MRPL13: variants seen among roughly 807,000 people sequenced by gnomAD.
The protein encoded by MRPL13 is large ribosomal subunit protein uL13m.
A neutral mutation model predicts 29.0 loss-of-function variants in MRPL13; 33 were observed. That is an observed-to-expected ratio of 1.14 (90% CI 0.86 to 1.52). MRPL13 has a LOEUF of 1.52. Ranked by LOEUF, MRPL13 falls within the 40% of genes most tolerant of loss-of-function variation. The pLI is 0.00. For missense variants in MRPL13, 227 were observed against 216.7 expected (o/e 1.05, Z -0.30); for synonymous variants, 77 against 68.4 (o/e 1.13, Z -0.62).
At chr8:120,397,428 C>T (rs1022464502) in intron 6 of MRPL13, among the ~76,000 whole-genome samples, 2 of 152,168 alleles carry the variant, frequency 1.3e-5, no homozygotes, top group East Asian at 1.9e-4. Context: ...ATTGGAAATC[C>T]AGCCAACCAG....
chr8:120,426,135 G>C (rs560028288), intron 3 of MRPL13, among the ~76,000 whole-genome samples: 2 of 152,114 alleles, frequency 1.3e-5, no homozygotes, highest in Admixed American at 6.6e-5. Flanking sequence ...ATTTGTGAAA[G>C]GGATTGGGAA....
chr8:120,440,723 TAATA>T (rs1025505222), intron 2 of MRPL13, among the ~76,000 whole-genome samples: 7 of 150,578 alleles, frequency 4.6e-5, no homozygotes, highest in Admixed American at 6.6e-5. Flanking sequence ...AATAAAATAA[TAATA>T]AATAAATAAA....
At chr8:120,419,806 A>T in intron 5 of MRPL13, 46 bp downstream of exon 5, 1 of 1,402,800 alleles carries the variant, frequency 7.1e-7, no homozygotes, top group Non-Finnish European at 9.7e-7. Context: ...GAAACATTTA[A>T]TTGAAAATTT....
chr8:120,425,278 T>C (rs760225829), intron 4 of MRPL13, 28 bp downstream of exon 4: 15 of 1,570,220 alleles, frequency 9.6e-6, no homozygotes, highest in Non-Finnish European at 1.3e-5. Flanking sequence ...TTTCCAAAGA[T>C]GATTAATAAA....
At chr8:120,426,023 T>C (rs1396426733) in intron 3 of MRPL13, among the ~76,000 whole-genome samples, 1 of 152,104 alleles carries the variant, frequency 6.6e-6, no homozygotes, top group Non-Finnish European at 1.5e-5. Context: ...TGACTCCCAG[T>C]GTAATATCAG....
chr8:120,397,501 C>T (rs964214174), intron 6 of MRPL13, among the ~76,000 whole-genome samples: 10 of 152,152 alleles, frequency 6.6e-5, no homozygotes, highest in Non-Finnish European at 1.3e-4. Context: ...GCTGCCATTT[C>T]TGTGGTTAGG....
In MRPL13 at chr8:120,443,313, G is replaced by GT; in HGVS notation, c.28-6_28-5insA. 6.8e-7 allele frequency: 1 copy of GT among 1,469,838 alleles called. No homozygotes were observed. The highest frequency in any genetic ancestry group is 9.0e-7 in the Non-Finnish European group (1 of 1,111,322). The allele number at this position is 1,469,838 out of a possible 1,614,324, so 91.0% of individuals were successfully genotyped here. A position where few individuals can be genotyped will look rare whatever the true frequency, so the allele number is the denominator to read the frequency against. On this transcript the variant is annotated splice_region_variant and splice_polypyrimidine_tract_variant and intron_variant, in intron 1 of 6. Transcript: ENST00000306185. ...TCTAGCAAAAGTGGCCCATTGCTTG[G>GT]GGGGGAAAAAAAAAAAAAAGAAGAG...
chr8:120,399,260 CT>C (rs1431169092), intron 6 of MRPL13, among the ~76,000 whole-genome samples: 1 of 152,072 alleles, frequency 6.6e-6, no homozygotes, highest in East Asian at 1.9e-4. Flanking sequence ...GCCAGGTCAC[CT>C]ACGAAGAGAA....
At chr8:120,420,992 G>T (rs775163915) in intron 4 of MRPL13, among the ~76,000 whole-genome samples, 35 of 151,650 alleles carry the variant, frequency 2.3e-4, no homozygotes, top group Non-Finnish European at 4.9e-4. Flanking sequence ...ACATACAAAT[G>T]TACGTAAACA....
At position 120,435,053 on chromosome 8, in the gene MRPL13, C is replaced by A. The variant is rs564189851; in HGVS notation, c.152-2930G>T. ...CAAGGGCAGATTCAGATAGAGACAC[C>A]AATTCAGCTTGCTGAGAGTCTCCAG... is the stretch of plus-strand genomic sequence containing the variant. On this transcript the variant is annotated intron_variant, in intron 2 of 6. Coordinates refer to ENST00000306185, the MANE Select transcript of MRPL13 (RefSeq NM_014078.6). 6.2e-4 allele frequency among the ~76,000 whole-genome samples: 94 copies of A among 152,212 alleles called. 1 individual carries two copies. Among genetic ancestry groups the A allele is most frequent in the African/African-American group, 2.1e-3 (89 of 41,544 alleles).
rs576764861 is a variant in MRPL13, at chr8:120,413,402, C to T, written c.515+589G>A. On this transcript the variant is annotated intron_variant, in intron 6 of 6. Coordinates refer to ENST00000306185, the MANE Select transcript of MRPL13 (RefSeq NM_014078.6). ...GAGAACCCATAATGAGAGCCTAACC[C>T]GGTTCAAAGATTACAGGAAGGACTG... Among the ~76,000 whole-genome samples, 31 of 152,076 alleles carry T rather than the reference C, an allele frequency of 2.0e-4. 2 individuals carry two copies. In the South Asian group the frequency reaches 5.8e-3, roughly 29 times the overall value.
intron 5 of MRPL13, chr8:120,414,319 C>T (rs1267204143): frequency 1.2e-5 from 4 of 331,396 alleles, no homozygotes; most frequent in African/African-American, 8.8e-5. Context: ...AATAAGATAC[C>T]TATTTTTTAA....
intron 2 of MRPL13, among the ~76,000 whole-genome samples, chr8:120,440,457 TAGTC>T (rs759354928): frequency 4.6e-5 from 7 of 151,580 alleles, no homozygotes; most frequent in Non-Finnish European, 8.8e-5. Flanking sequence ...AATACAAACT[TAGTC>T]AGGTGTGGTG....
At chr8:120,422,744 C>G (rs1239518260) in intron 4 of MRPL13, among the ~76,000 whole-genome samples, 1 of 151,286 alleles carries the variant, frequency 6.6e-6, no homozygotes, top group African/African-American at 2.4e-5. Flanking sequence ...GGCTTTGAGG[C>G]CCCAAATTCA....
chr8:120,441,530 T>C (rs948614893), intron 2 of MRPL13, among the ~76,000 whole-genome samples: 1 of 152,086 alleles, frequency 6.6e-6, no homozygotes, highest in Non-Finnish European at 1.5e-5. Flanking sequence ...GAAGAATGTG[T>C]TTCAAGAAGA....
chr8:120,414,950 T>G (rs1342677413), intron 5 of MRPL13: 2 of 152,044 alleles, frequency 1.3e-5, no homozygotes, highest in Non-Finnish European at 2.9e-5. Context: ...ACAAGAAGAG[T>G]TAAGTGGCTG....
In MRPL13 at chr8:120,435,622, G is replaced by A. The variant is rs1362603829; in HGVS notation, c.152-3499C>T. ...CAGTCTACCACTGATGGGCACTTAG[G>A]TTGATGACGTATCTTTGCTATTATG... On this transcript the variant is annotated intron_variant, in intron 2 of 6. Coordinates refer to ENST00000306185, the MANE Select transcript of MRPL13 (RefSeq NM_014078.6). Among the ~76,000 whole-genome samples, 3 of 152,152 alleles carry A rather than the reference G, an allele frequency of 2.0e-5. No individual in the cohort carries two copies. In the East Asian group the frequency reaches 5.8e-4, roughly 29 times the overall value.
intron 6 of MRPL13, among the ~76,000 whole-genome samples, chr8:120,398,905 A>C (rs1198166090): frequency 6.6e-6 from 1 of 151,988 alleles, no homozygotes; most frequent in Admixed American, 6.6e-5. Context: ...CTCAAATAAG[A>C]CAGGCAGACA....
intron 6 of MRPL13, among the ~76,000 whole-genome samples, chr8:120,409,543 T>C (rs1230811274): frequency 1.3e-5 from 2 of 152,176 alleles, no homozygotes; most frequent in African/African-American, 4.8e-5. Flanking sequence ...GAAGAAAAGA[T>C]AGTGCTATTT....
Sources: gnomAD v4.1 joint callset for allele counts (sites outside exome capture counted in the v4.1 genomes callset) on GRCh38, gnomAD v4.1.1 for gene constraint, MANE v1.5 for transcripts, NCBI Gene and HGNC (gene_info 2026-07-23, HGNC 2026-07-21) for gene names.